The following RNGTT variants were observed in gnomAD, a reference collection of about 807,000 sequenced individuals.
RNGTT encodes the protein RNA guanylyltransferase and 5'-phosphatase, also known as mRNA-capping enzyme.
RNGTT carries 33 observed loss-of-function variants against 79.3 expected under a neutral mutation model. The ratio of observed to expected loss-of-function variants is 0.42; its 90% CI spans 0.32 to 0.56. The LOEUF (loss-of-function observed/expected upper bound fraction) is 0.56. Among genes scored for constraint, RNGTT ranks in the 20% least tolerant of loss-of-function variants. RNGTT has a pLI of 0.17. For synonymous variants in RNGTT, 222 were observed against 235.9 expected (o/e 0.94, Z 0.54); for missense variants, 497 against 739.1 (o/e 0.67, Z 3.80).
At chr6:88,722,765 T>C (rs1392035211) in intron 13 of RNGTT, among the ~76,000 whole-genome samples, 1 of 152,192 alleles carries the variant, frequency 6.6e-6, no homozygotes, top group Non-Finnish European at 1.5e-5. Flanking sequence ...CTCATAACAA[T>C]GTTTGGAACA....
intron 14 of RNGTT, among the ~76,000 whole-genome samples, chr6:88,663,987 T>C (rs1323529386): frequency 6.6e-6 from 1 of 152,168 alleles, no homozygotes; most frequent in Non-Finnish European, 1.5e-5. Flanking sequence ...TTGCCACCAG[T>C]TGCTCATGTA....
chr6:88,719,475 A>G (rs1048187865), intron 13 of RNGTT, among the ~76,000 whole-genome samples: 1 of 152,256 alleles, frequency 6.6e-6, no homozygotes, highest in African/African-American at 2.4e-5. Flanking sequence ...TGCTTCTTCC[A>G]ACTTGATTAC....
At chr6:88,837,929 T>G (rs1263510658) in intron 11 of RNGTT, among the ~76,000 whole-genome samples, 3 of 152,170 alleles carry the variant, frequency 2.0e-5, no homozygotes, top group Non-Finnish European at 2.9e-5. Flanking sequence ...TAAAACTGTA[T>G]TTATGTATAA....
At chr6:88,769,926 C>T in intron 12 of RNGTT, 52 bp from the exon 13 acceptor site, 3 of 1,242,580 alleles carry the variant, frequency 2.4e-6, no homozygotes, top group Non-Finnish European at 3.5e-6. Context: ...AAAAATTAAA[C>T]ATTCAATGTA....
At chr6:88,735,138 T>C (rs1048958760) in intron 13 of RNGTT, among the ~76,000 whole-genome samples, 7 of 152,048 alleles carry the variant, frequency 4.6e-5, no homozygotes, top group African/African-American at 1.7e-4. Context: ...GACATAACAA[T>C]CCTTAATATG....
chr6:88,799,656 C>A (rs1048904275), intron 12 of RNGTT, among the ~76,000 whole-genome samples: 40 of 143,232 alleles, frequency 2.8e-4, no homozygotes, highest in African/African-American at 1.0e-3. Flanking sequence ...GCCAACATTG[C>A]GCCATTGCAC....
intron 14 of RNGTT, among the ~76,000 whole-genome samples, chr6:88,623,227 T>C (rs1466144585): frequency 1.3e-5 from 2 of 152,162 alleles, no homozygotes; most frequent in African/African-American, 4.8e-5. Flanking sequence ...TGATCTTGGA[T>C]GCTGAAGCTA....
At chr6:88,674,621 T>C (rs1774787884) in intron 14 of RNGTT, among the ~76,000 whole-genome samples, 1 of 152,060 alleles carries the variant, frequency 6.6e-6, no homozygotes, top group African/African-American at 2.4e-5. Flanking sequence ...TTAGCCTTAG[T>C]CTACTCTGAA....
At chr6:88,834,260 T>C (rs1277688482) in intron 11 of RNGTT, among the ~76,000 whole-genome samples, 1 of 152,196 alleles carries the variant, frequency 6.6e-6, no homozygotes, top group Non-Finnish European at 1.5e-5. Context: ...AAAGAAGTTA[T>C]CTGGGACAAT....
intron 13 of RNGTT, among the ~76,000 whole-genome samples, chr6:88,689,632 T>C (rs1442430975): frequency 6.6e-6 from 1 of 150,770 alleles, no homozygotes; most frequent in East Asian, 1.9e-4. Flanking sequence ...ATAAATAAAT[T>C]TATGAGAAGA....
chr6:88,717,924 G>T (rs73754807), intron 13 of RNGTT, among the ~76,000 whole-genome samples: 1 of 152,072 alleles, frequency 6.6e-6, no homozygotes, highest in Non-Finnish European at 1.5e-5. Context: ...AAGGCTGAGT[G>T]GGGGAGCCAC....
At chr6:88,879,963 G>A (rs1782642576) in intron 8 of RNGTT, among the ~76,000 whole-genome samples, 1 of 152,086 alleles carries the variant, frequency 6.6e-6, no homozygotes, top group Non-Finnish European at 1.5e-5. Flanking sequence ...TAAAATCAGG[G>A]GGATATGGCT....
At chr6:88,877,435 G>A (rs1782552320) in intron 8 of RNGTT, among the ~76,000 whole-genome samples, 1 of 151,958 alleles carries the variant, frequency 6.6e-6, no homozygotes, top group African/African-American at 2.4e-5. Context: ...AAGTAATCGG[G>A]GTGCTTTTCA....
In RNGTT at chr6:88,611,421, A is replaced by G. The variant is rs1389774318; in HGVS notation, c.*1298T>C. The G allele has an allele frequency of 6.6e-6, 1 of 152,630 alleles. No homozygotes were observed. The highest frequency in any genetic ancestry group is 1.5e-5 in the Non-Finnish European group (1 of 68,042). 9.5% of individuals were successfully genotyped at this position (152,630 alleles called of 1,614,324 possible). A position where few individuals can be genotyped will look rare whatever the true frequency, so the allele number is the denominator to read the frequency against. On this transcript the variant is annotated 3_prime_UTR_variant, in exon 16 of 16. Coordinates refer to ENST00000369485, the MANE Select transcript of RNGTT (RefSeq NM_003800.5). ...AATTTGTTTTAAATACATTTACTTA[A>G]AACATGTACCTCTAAAAATAAATAC...
chr6:88,722,650 G>A (rs945096746), intron 13 of RNGTT, among the ~76,000 whole-genome samples: 3 of 152,172 alleles, frequency 2.0e-5, no homozygotes, highest in Admixed American at 6.5e-5. Flanking sequence ...ATATTTTGAC[G>A]GGTTTTATTT....
intron 13 of RNGTT, among the ~76,000 whole-genome samples, chr6:88,747,075 C>T (rs1374126977): frequency 6.6e-6 from 1 of 152,154 alleles, no homozygotes; most frequent in Non-Finnish European, 1.5e-5. Context: ...CACTCTCTTA[C>T]ACATGGGTTA....
At chr6:88,790,597 G>T (rs1779375702) in intron 12 of RNGTT, among the ~76,000 whole-genome samples, 1 of 151,908 alleles carries the variant, frequency 6.6e-6, no homozygotes, top group Non-Finnish European at 1.5e-5. Flanking sequence ...ATAACTACAC[G>T]TTATAAAATT....
intron 13 of RNGTT, among the ~76,000 whole-genome samples, chr6:88,716,565 G>C (rs769021709): frequency 6.6e-6 from 1 of 152,132 alleles, no homozygotes; most frequent in African/African-American, 2.4e-5. Context: ...TTGGAACCAA[G>C]CCAAAAGTCC....
intron 4 of RNGTT, among the ~76,000 whole-genome samples, chr6:88,920,308 T>C (rs1166272937): frequency 1.3e-5 from 2 of 152,224 alleles, no homozygotes; most frequent in Admixed American, 6.5e-5. Context: ...GCCGTTTTCT[T>C]TGAATCACCT....
Sources: gnomAD v4.1 joint callset for allele counts (sites outside exome capture counted in the v4.1 genomes callset) on GRCh38, gnomAD v4.1.1 for gene constraint, MANE v1.5 for transcripts, NCBI Gene and HGNC (gene_info 2026-07-23, HGNC 2026-07-21) for gene names.